Variants in ATG7 observed in about 807,000 individuals in gnomAD.
The protein encoded by ATG7 is autophagy related 7, also known as ubiquitin-like modifier-activating enzyme ATG7.
Under a neutral mutation model 82.4 loss-of-function variants are expected in ATG7, and 70 were observed. The observed-to-expected ratio is 0.85, with a 90% CI of 0.70 to 1.04. The LOEUF (loss-of-function observed/expected upper bound fraction) is 1.04. Ranked by LOEUF, ATG7 falls within the 50% of genes least tolerant of loss-of-function variation. The probability of loss-of-function intolerance (pLI) is 0.00; values close to 1 mark genes in which losing one functional copy is unlikely to be tolerated. For missense variants in ATG7, 792 were observed against 864.3 expected, an observed-to-expected ratio of 0.92 and a Z score of 1.05; for synonymous variants, 287 against 313.0, an observed-to-expected ratio of 0.92 and a Z score of 0.88.
chr3:11,317,279 G>A (rs1949552264), intron 9 of ATG7, among the ~76,000 whole-genome samples: 1 of 152,200 alleles, frequency 6.6e-6, no homozygotes, highest in African/African-American at 2.4e-5. Flanking sequence ...CTAGTGTGAA[G>A]TCCTCTTGTC....
intron 20 of ATG7, among the ~76,000 whole-genome samples, chr3:11,450,649 C>T (rs2085025138): frequency 6.6e-6 from 1 of 152,234 alleles, no homozygotes; most frequent in African/African-American, 2.4e-5. Flanking sequence ...ATCTGCTCTT[C>T]TGAGGGACCA....
chr3:11,515,214 C>T (rs17034568), intron 20 of ATG7, among the ~76,000 whole-genome samples: 8,455 of 152,190 alleles, frequency 0.056, 335 homozygotes, highest in African/African-American at 0.11. Context: ...AAAAGGGACA[C>T]TATAACACTT....
chr3:11,358,851 T>C (rs556142225), intron 15 of ATG7, among the ~76,000 whole-genome samples: 5 of 152,358 alleles, frequency 3.3e-5, no homozygotes, highest in African/African-American at 1.2e-4. Context: ...CACTGAAAGA[T>C]ATACTGTACT....
chr3:11,391,956 A>AC (rs1468285316), intron 19 of ATG7, among the ~76,000 whole-genome samples: 1 of 71,950 alleles, frequency 1.4e-5, no homozygotes, highest in Non-Finnish European at 2.9e-5. Context: ...CATTGTACTT[A>AC]TTGGGGGGGG....
At chr3:11,288,963 G>A (rs1223906927) in intron 3 of ATG7, among the ~76,000 whole-genome samples, 1 of 152,172 alleles carries the variant, frequency 6.6e-6, no homozygotes, top group Non-Finnish European at 1.5e-5. Context: ...GCTCATTACA[G>A]TGTTGAATCC....
chr3:11,372,710 A>G (rs555161444), intron 18 of ATG7, among the ~76,000 whole-genome samples: 12 of 151,194 alleles, frequency 7.9e-5, no homozygotes, highest in Non-Finnish European at 1.5e-4. Context: ...AAAAAAATGT[A>G]ATGGAAATCT....
chr3:11,471,745 C>CTCTT (rs775138453), intron 20 of ATG7, among the ~76,000 whole-genome samples: 3 of 105,710 alleles, frequency 2.8e-5, no homozygotes, highest in African/African-American at 1.1e-4. Context: ...TTTTAGATTT[C>CTCTT]TTTTTTTTTT....
chr3:11,366,198 G>A (rs572982502), intron 18 of ATG7, among the ~76,000 whole-genome samples: 12 of 136,390 alleles, frequency 8.8e-5, no homozygotes, highest in South Asian at 2.3e-4. Context: ...TGGCCTGGGC[G>A]ACAGAGTGAG....
intron 8 of ATG7, 88 bp from the exon 9 acceptor site, chr3:11,315,256 T>G: frequency 8.0e-7 from 1 of 1,250,524 alleles, no homozygotes; most frequent in Non-Finnish European, 1.1e-6. Context: ...GTCTTCTGGT[T>G]TTAAGGTACC....
chr3:11,316,457 TTCTC>T (rs1247364640), intron 9 of ATG7, among the ~76,000 whole-genome samples: 2 of 152,226 alleles, frequency 1.3e-5, no homozygotes, highest in Non-Finnish European at 2.9e-5. Context: ...CCCTAAGAAA[TTCTC>T]TCTGTCTTAT....
At chr3:11,352,511 CTGT>C (rs2075638839) in intron 14 of ATG7, among the ~76,000 whole-genome samples, 1 of 152,190 alleles carries the variant, frequency 6.6e-6, no homozygotes, top group South Asian at 2.1e-4. Flanking sequence ...TCTCCAGCAC[CTGT>C]TGTTTCCTGA....
intron 20 of ATG7, among the ~76,000 whole-genome samples, chr3:11,494,728 C>T (rs1047669870): frequency 6.6e-6 from 1 of 151,976 alleles, no homozygotes; most frequent in Non-Finnish European, 1.5e-5. Context: ...AGTCATAGGG[C>T]TTTGGCAGCC....
chr3:11,515,335 G>C (rs902256753), intron 20 of ATG7, among the ~76,000 whole-genome samples: 5 of 146,472 alleles, frequency 3.4e-5, no homozygotes, highest in Non-Finnish European at 7.5e-5. Flanking sequence ...ACAGAGTCTC[G>C]CTCTGTTGCC....
the ATG7 span, among the ~76,000 whole-genome samples, chr3:11,567,913 T>C: frequency 6.6e-6 from 1 of 152,190 alleles, no homozygotes; most frequent in Admixed American, 6.6e-5. Flanking sequence ...ATGAAGTGCA[T>C]AGACCTGGGG....
At chr3:11,308,714 A>G (rs565322311) in intron 6 of ATG7, 17 of 512,846 alleles carry the variant, frequency 3.3e-5, no homozygotes, top group African/African-American at 2.5e-4. Flanking sequence ...AGGCATGAAA[A>G]TGGCCTGGTT....
chr3:11,383,865 G>A (rs1328487821), intron 19 of ATG7, among the ~76,000 whole-genome samples: 1 of 152,118 alleles, frequency 6.6e-6, no homozygotes, highest in Non-Finnish European at 1.5e-5. Flanking sequence ...TCCTATTTGT[G>A]CATAGTTCTT....
chr3:11,476,575 A>G (rs1158343375), intron 20 of ATG7, among the ~76,000 whole-genome samples: 4 of 152,172 alleles, frequency 2.6e-5, no homozygotes, highest in African/African-American at 9.7e-5. Flanking sequence ...AATAGGGACA[A>G]ATAGAAGGAG....
chr3:11,321,850 T>C (rs532178422), intron 9 of ATG7, among the ~76,000 whole-genome samples: 1 of 152,316 alleles, frequency 6.6e-6, no homozygotes, highest in East Asian at 1.9e-4. Flanking sequence ...CAGTTTTCAT[T>C]TTCAAAGGAA....
chr3:11,520,792 T>C (rs942872423), intron 20 of ATG7, among the ~76,000 whole-genome samples: 1 of 152,212 alleles, frequency 6.6e-6, no homozygotes, highest in African/African-American at 2.4e-5. Flanking sequence ...TTCTTCATTA[T>C]GTCAGCATTT....
Sources: gnomAD v4.1 joint callset for allele counts (sites outside exome capture counted in the v4.1 genomes callset) on GRCh38, gnomAD v4.1.1 for gene constraint, MANE v1.5 for transcripts, NCBI Gene and HGNC (gene_info 2026-07-23, HGNC 2026-07-21) for gene names.